XRN2: variants seen among roughly 807,000 people sequenced by gnomAD.
The protein encoded by XRN2 is DHM1-like protein.
In XRN2, 44 loss-of-function variants were observed where a neutral mutation model predicts 138.5. The ratio of observed to expected loss-of-function variants is 0.32; its 90% CI spans 0.25 to 0.41. The LOEUF is 0.41. Ranked by LOEUF, XRN2 falls within the 10% of genes least tolerant of loss-of-function variation. The pLI is 1.00. For missense variants in XRN2, 937 were observed against 1,169.3 expected (o/e 0.80, Z 2.90); for synonymous variants, 354 against 369.4 (o/e 0.96, Z 0.48).
In XRN2 at chr20:21,332,440, G is replaced by C; in HGVS notation, c.858G>C (p.Lys286Asn). The C allele has an allele frequency of 6.3e-7, 1 of 1,591,556 alleles. No individual in the cohort carries two copies. Among genetic ancestry groups the C allele is most frequent in the Non-Finnish European group, 8.5e-7 (1 of 1,169,702 alleles). Residue 286 changes from lysine to asparagine, a missense_variant and splice_region_variant, in exon 9 of 30, where the codon AAG (lysine) becomes AAC (asparagine). Coordinates refer to ENST00000377191, the MANE Select transcript of XRN2 (RefSeq NM_012255.5). Reference protein sequence around the residue: ...CEGLPREKKGKHDELADSLPC... With the variant: ...CEGLPREKKGNHDELADSLPC... Reference sequence around the variant, plus strand: ...GTTTGCCAAGAGAAAAGAAGGGAAAGGTAAGAACTTTGAGATGGTAGTTGC... The same window carrying C: ...GTTTGCCAAGAGAAAAGAAGGGAAACGTAAGAACTTTGAGATGGTAGTTGC...
rs1208809177 is a variant in XRN2, at chr20:21,365,798, CCA to C, written c.2456+95_2456+96del. 1.8e-4 allele frequency: 73 copies of C among 395,158 alleles called. 1 individual carries two copies. Among genetic ancestry groups the C allele is most frequent in the African/African-American group, 3.8e-5 (1 of 26,174 alleles). 24.5% of individuals were successfully genotyped at this position (395,158 alleles called of 1,614,324 possible). ...TTTATGCCATATATATAAATTTATGCCATATATATAATATATGATTATATATT... is the reference window on the plus strand; with the variant it reads ...TTTATGCCATATATATAAATTTATGCTATATATAATATATGATTATATATT... On this transcript the variant is annotated intron_variant, in intron 26 of 29. Transcript: ENST00000377191.
intron 20 of XRN2, among the ~76,000 whole-genome samples, chr20:21,353,223 G>GATATATATATATAT (rs869071652): frequency 1.8e-5 from 2 of 113,842 alleles, no homozygotes; most frequent in African/African-American, 3.6e-5. Flanking sequence ...TAGTGGGTAG[G>GATATATATATATAT]ATATATATAT....
chr20:21,312,027 A>G (rs1192752384), intron 1 of XRN2, among the ~76,000 whole-genome samples: 2 of 152,040 alleles, frequency 1.3e-5, no homozygotes, highest in Non-Finnish European at 2.9e-5. Context: ...ATATGGTTAG[A>G]TTTAAATCTG....
intron 1 of XRN2, among the ~76,000 whole-genome samples, chr20:21,311,053 G>T (rs1361630414): frequency 6.6e-6 from 1 of 152,090 alleles, no homozygotes; most frequent in Non-Finnish European, 1.5e-5. Context: ...GCCTGTCCGG[G>T]TCTGGCTTTT....
intron 1 of XRN2, among the ~76,000 whole-genome samples, chr20:21,317,463 C>T (rs992548618): frequency 2.0e-5 from 3 of 152,074 alleles, no homozygotes. Flanking sequence ...CCTACTTGGT[C>T]ATGGTGTATA....
chr20:21,339,503 C>T (rs569157661), intron 14 of XRN2, among the ~76,000 whole-genome samples: 27 of 152,334 alleles, frequency 1.8e-4, no homozygotes, highest in African/African-American at 6.5e-4. Context: ...CCTTAATCCC[C>T]TCAGAATCCA....
chr20:21,318,277 G>A (rs1286659675), intron 1 of XRN2, among the ~76,000 whole-genome samples: 6 of 151,888 alleles, frequency 4.0e-5, no homozygotes, highest in African/African-American at 9.7e-5. Flanking sequence ...CCTGTCTCTC[G>A]TCTCTGATTC....
chr20:21,372,620 G>A (rs2038775611), intron 27 of XRN2, among the ~76,000 whole-genome samples: 1 of 152,120 alleles, frequency 6.6e-6, no homozygotes, highest in African/African-American at 2.4e-5. Flanking sequence ...TTTCATGTGT[G>A]CAAGTTTTGA....
chr20:21,357,696 C>A, intron 23 of XRN2, 40 bp from the exon 24 acceptor site: 1 of 1,512,728 alleles, frequency 6.6e-7, no homozygotes, highest in Non-Finnish European at 8.9e-7. Context: ...TAAAAGGTTA[C>A]AGTTTACAGA....
intron 1 of XRN2, among the ~76,000 whole-genome samples, chr20:21,312,257 C>T (rs772335212): frequency 2.0e-4 from 31 of 151,894 alleles, no homozygotes; most frequent in Non-Finnish European, 4.1e-4. Context: ...GGACTACAGG[C>T]GCCTGCCACC....
intron 24 of XRN2, among the ~76,000 whole-genome samples, chr20:21,358,654 T>G (rs1170793333): frequency 6.6e-6 from 1 of 152,210 alleles, no homozygotes; most frequent in Non-Finnish European, 1.5e-5. Context: ...CTATCTTAAA[T>G]GGATTCAGGT....
chr20:21,332,196 C>T, intron 8 of XRN2, 87 bp from the exon 9 acceptor site: 1 of 1,485,964 alleles, frequency 6.7e-7, no homozygotes, highest in Admixed American at 2.3e-5. Context: ...TTGGGCTTTT[C>T]TTTGTGTTGG....
rs781442881 is a variant in XRN2 at position 21,357,775 on chromosome 20, A to G, written c.2238A>G (p.Thr746=). The G allele has an allele frequency of 1.2e-5, 19 of 1,599,316 alleles. No homozygotes were observed. Among genetic ancestry groups the G allele is most frequent in the Admixed American group, 1.7e-5 (1 of 57,904 alleles). The change falls in exon 24 of 30, where the codon ACA becomes ACG. Residue 746 remains threonine (T), a synonymous_variant. Transcript: ENST00000377191. ...CSPVPMLRDL[T]QNTVVSINFK... is the part of the protein sequence containing the mutation. Reference sequence around the variant, plus strand: ...CTGTTCCTATGTTAAGGGATCTGACACAGAACACTGTAGTCAGGTAAGTTT... The same window carrying G: ...CTGTTCCTATGTTAAGGGATCTGACGCAGAACACTGTAGTCAGGTAAGTTT...
At position 21,344,145 on chromosome 20, in the gene XRN2, T is replaced by C. The variant is rs1311071248; in HGVS notation, c.1466T>C (p.Leu489Ser). 3 of 1,613,438 alleles carry C rather than the reference T, an allele frequency of 1.9e-6. No homozygotes were observed. The Admixed American group carries it at 5.0e-5, about 27-fold the overall frequency. ...ACATCTGATGGCTCCCCGTCTCCAT[T>C]AGGAGGAATTAAGCGAAAAGCAGAA... ...SFTSDGSPSP[L>S]GGIKRKAEDS... Residue 489 changes from leucine (L) to serine (S), a missense_variant, in exon 16 of 30, where the codon TTA becomes TCA. By Grantham distance (145) the Leu-to-Ser change is moderately radical. Coordinates refer to ENST00000377191, the MANE Select transcript of XRN2 (RefSeq NM_012255.5).
At chr20:21,350,456 G>A (rs940616611) in intron 20 of XRN2, among the ~76,000 whole-genome samples, 54 of 135,672 alleles carry the variant, frequency 4.0e-4, no homozygotes, top group African/African-American at 1.5e-3. Context: ...AACCCGGGAG[G>A]CAGAGCTTGC....
At chr20:21,383,024 TCTAAATGCAG>T (rs1189163230) in intron 28 of XRN2, among the ~76,000 whole-genome samples, 1 of 152,214 alleles carries the variant, frequency 6.6e-6, no homozygotes, top group Non-Finnish European at 1.5e-5. Flanking sequence ...TAAATGGGAT[TCTAAATGCAG>T]CTTCCCTTTT....
At chr20:21,377,783 C>T (rs902264679) in intron 27 of XRN2, among the ~76,000 whole-genome samples, 9 of 152,094 alleles carry the variant, frequency 5.9e-5, no homozygotes, top group African/African-American at 9.7e-5. Flanking sequence ...CTTGGATGGA[C>T]GGGATTGTAG....
intron 13 of XRN2, among the ~76,000 whole-genome samples, chr20:21,334,471 C>T (rs772992883): frequency 7.2e-5 from 11 of 152,174 alleles, no homozygotes; most frequent in Middle Eastern, 3.4e-3. Flanking sequence ...ATTTGAAATG[C>T]GGGTACCAAG....
At chr20:21,319,739 A>G (rs1024948552) in intron 1 of XRN2, among the ~76,000 whole-genome samples, 3 of 152,070 alleles carry the variant, frequency 2.0e-5, no homozygotes, top group Non-Finnish European at 4.4e-5. Context: ...TGTTATATAT[A>G]TTACATATAT....
Sources: gnomAD v4.1 joint callset for allele counts (sites outside exome capture counted in the v4.1 genomes callset) on GRCh38, gnomAD v4.1.1 for gene constraint, MANE v1.5 for transcripts, NCBI Gene and HGNC (gene_info 2026-07-23, HGNC 2026-07-21) for gene names.